Variants in SLC18B1 observed in about 807,000 individuals in gnomAD.
The protein encoded by SLC18B1 is MFS-type transporter SLC18B1.
SLC18B1 carries 62 observed loss-of-function variants against 53.9 expected under a neutral mutation model. The ratio of observed to expected loss-of-function variants is 1.15; its 90% CI spans 0.94 to 1.42. The LOEUF (loss-of-function observed/expected upper bound fraction) is 1.42, where lower values mean the gene tolerates loss of function less well. SLC18B1 is among the 40% of genes most tolerant of loss of function. The pLI, the probability that SLC18B1 is intolerant of heterozygous loss-of-function variation, is 0.00. For missense variants in SLC18B1, 598 were observed against 547.3 expected (o/e 1.09, Z -0.93); for synonymous variants, 217 against 200.9 (o/e 1.08, Z -0.68).
intron 2 of SLC18B1, among the ~76,000 whole-genome samples, chr6:132,794,476 G>T (rs1191716115): frequency 1.3e-5 from 2 of 151,962 alleles, no homozygotes; most frequent in Non-Finnish European, 2.9e-5. Context: ...AAACACCTCT[G>T]ATGACTGCCC....
Position 132,784,040 on chromosome 6 carries a change from A to G in SLC18B1, c.551T>C (p.Val184Ala), listed in dbSNP as rs149002403. 53 of 1,609,210 alleles carry G rather than the reference A, an allele frequency of 3.3e-5. No individual in the cohort carries two copies. Among genetic ancestry groups the G allele is most frequent in the Non-Finnish European group, 4.5e-5 (53 of 1,177,980 alleles). The change falls in exon 6 of 14, where the codon GTA (valine) becomes GCA (alanine). Residue 184 changes from valine (V) to alanine (A), a missense_variant. Physicochemically the swap from Val to Ala is moderately conservative, Grantham distance 64. Coordinates refer to ENST00000275227, the MANE Select transcript of SLC18B1 (RefSeq NM_052831.3). ...SGLGLILGPP[V>A]GGFLYQSFGY... ...AAAGGATTGATACAAAAAGCCACCTACAGGAGGACCTAGTATTAGCCCCAG... is the reference window on the plus strand; with the variant it reads ...AAAGGATTGATACAAAAAGCCACCTGCAGGAGGACCTAGTATTAGCCCCAG...
intron 11 of SLC18B1, 26 bp from the exon 12 acceptor site, chr6:132,771,155 T>C (rs77494604): frequency 6.3e-7 from 1 of 1,584,588 alleles, no homozygotes; most frequent in South Asian, 1.1e-5. Context: ...AGAAAAAGTA[T>C]TCAATAGTGC....
At chr6:132,789,669 T>C (rs1781472623) in intron 4 of SLC18B1, 95 bp downstream of exon 4, 1 of 863,892 alleles carries the variant, frequency 1.2e-6, no homozygotes, top group South Asian at 1.4e-5. Flanking sequence ...AGACAATAAA[T>C]GGAACCATTG....
At chr6:132,790,646 G>A (rs1241840449) in intron 2 of SLC18B1, among the ~76,000 whole-genome samples, 2 of 152,136 alleles carry the variant, frequency 1.3e-5, no homozygotes, top group Non-Finnish European at 2.9e-5. Flanking sequence ...TTCCTTTTGG[G>A]TATCACATTT....
chr6:132,779,139 C>G, intron 7 of SLC18B1, 129 bp downstream of exon 7: 1 of 982,816 alleles, frequency 1.0e-6, no homozygotes, highest in South Asian at 2.2e-5. Flanking sequence ...CACGCTACCT[C>G]GGTGTGTAGT....
intron 7 of SLC18B1, among the ~76,000 whole-genome samples, chr6:132,778,211 T>A (rs13212727): frequency 0.015 from 2,339 of 152,282 alleles, 24 homozygotes; most frequent in South Asian, 0.033. Context: ...TGGTGGAATG[T>A]CATCTTTTAT....
intron 2 of SLC18B1, among the ~76,000 whole-genome samples, chr6:132,792,276 AAAGAAAGGAAGAAAGGAAGGAAGG>A (rs1562271384): frequency 2.1e-4 from 11 of 51,630 alleles, no homozygotes; most frequent in East Asian, 4.5e-4. Context: ...AGAAAGAAAG[AAAGAAAGGAAGAAAGGAAGGAAGG>A]AAGGAAGGAA....
rs377579639 is a variant in SLC18B1, at chr6:132,790,191, C to T, written c.265G>A (p.Val89Ile). 4.8e-5 allele frequency: 76 copies of T among 1,569,192 alleles called. No individual in the cohort carries two copies. In the African/African-American group the frequency reaches 6.5e-4, roughly 13 times the overall value. The part of the protein sequence containing the change: ...FALFELLASL[V>I]FGNYLVHIGA... Reference sequence around the variant, plus strand: ...TTTATACTTACATAGTTTCCAAATACCAAGGATGCCAGCAACTCGAACAAA... The same window carrying T: ...TTTATACTTACATAGTTTCCAAATATCAAGGATGCCAGCAACTCGAACAAA... Residue 89 changes from valine to isoleucine, a missense_variant, in exon 3 of 14, where the codon GTA becomes ATA. By Grantham distance (29) the Val-to-Ile change is conservative. Coordinates refer to ENST00000275227, the MANE Select transcript of SLC18B1 (RefSeq NM_052831.3).
chr6:132,779,051 T>A (rs1253447230), intron 7 of SLC18B1, among the ~76,000 whole-genome samples: 1 of 152,176 alleles, frequency 6.6e-6, no homozygotes, highest in Non-Finnish European at 1.5e-5. Context: ...AGGAAACCAA[T>A]GTTAAGGCCA....
At chr6:132,792,288 A>AAAGAAAGGAAGAAAGAAAGG (rs770774646) in intron 2 of SLC18B1, among the ~76,000 whole-genome samples, 2 of 39,904 alleles carry the variant, frequency 5.0e-5, no homozygotes, top group Non-Finnish European at 9.5e-5. Flanking sequence ...AGAAAGGAAG[A>AAAGAAAGGAAGAAAGAAAGG]AAGGAAGGAA....
At chr6:132,783,461 C>T (rs1781289040) in intron 6 of SLC18B1, among the ~76,000 whole-genome samples, 1 of 152,244 alleles carries the variant, frequency 6.6e-6, no homozygotes, top group Non-Finnish European at 1.5e-5. Context: ...CAGGCATGAG[C>T]CACTGTGTCT....
chr6:132,775,985 C>T (rs1025379367), intron 8 of SLC18B1, among the ~76,000 whole-genome samples: 2 of 152,238 alleles, frequency 1.3e-5, no homozygotes, highest in African/African-American at 4.8e-5. Flanking sequence ...AGGAGGATCA[C>T]TTGAACCCAA....
At chr6:132,792,461 T>A (rs1451306186) in intron 2 of SLC18B1, among the ~76,000 whole-genome samples, 2 of 152,010 alleles carry the variant, frequency 1.3e-5, no homozygotes, top group Non-Finnish European at 2.9e-5. Context: ...TTAATAGTTC[T>A]GATAAGTATT....
intron 6 of SLC18B1, among the ~76,000 whole-genome samples, chr6:132,781,753 T>C (rs1396505446): frequency 1.5e-5 from 2 of 133,806 alleles, no homozygotes; most frequent in African/African-American, 6.9e-5. Context: ...CAAGACTCTG[T>C]CTTTAAAAAA....
At chr6:132,794,244 C>T (rs796574165) in intron 2 of SLC18B1, among the ~76,000 whole-genome samples, 1 of 151,870 alleles carries the variant, frequency 6.6e-6, no homozygotes, top group African/African-American at 2.4e-5. Flanking sequence ...GCTGGGACTA[C>T]AGTCACGTGC....
intron 6 of SLC18B1, among the ~76,000 whole-genome samples, chr6:132,781,757 T>TAAAA (rs67568708): frequency 7.3e-6 from 1 of 136,994 alleles, no homozygotes; most frequent in East Asian, 2.2e-4. Context: ...ACTCTGTCTT[T>TAAAA]AAAAAAAAAA....
At position 132,798,429 on chromosome 6, in the gene SLC18B1, G is replaced by A. The variant is rs200091558; in HGVS notation, c.28C>T (p.Pro10Ser). The change falls in exon 1 of 14, where the codon CCA becomes TCA. Residue 10 changes from proline (P) to serine (S), a missense_variant. Pro to Ser is a moderately conservative substitution (Grantham distance 74). Coordinates refer to ENST00000275227, the MANE Select transcript of SLC18B1 (RefSeq NM_052831.3). The part of the protein sequence containing the change: MEALGDLEG[P>S]RAPGGDDPAG... Reference sequence around the variant, plus strand: ...TCATGGTCACCTCCTGGTGCGCGTGGTCCCTCCAGGTCACCCAGCGCCTCC... The same window carrying A: ...TCATGGTCACCTCCTGGTGCGCGTGATCCCTCCAGGTCACCCAGCGCCTCC... 6.5e-7 allele frequency: 1 copy of A among 1,529,592 alleles called. No individual in the cohort carries two copies. 94.8% of individuals were successfully genotyped at this position (1,529,592 alleles called of 1,614,324 possible). A position where few individuals can be genotyped will look rare whatever the true frequency, so the allele number is the denominator to read the frequency against.
Position 132,770,951 on chromosome 6 carries a change from T to G in SLC18B1, c.1255-12A>C. 2 of 1,612,248 alleles carry G rather than the reference T, an allele frequency of 1.2e-6. No homozygotes were observed. The highest frequency in any genetic ancestry group is 1.7e-6 in the Non-Finnish European group (2 of 1,179,448). ...CCCATGGCTAATCCCTTAAACACAATTAAAAGTACTGATTAATGTAAATTT... is the reference window on the plus strand; with the variant it reads ...CCCATGGCTAATCCCTTAAACACAAGTAAAAGTACTGATTAATGTAAATTT... On this transcript the variant is annotated splice_polypyrimidine_tract_variant and intron_variant, in intron 12 of 13. Coordinates refer to ENST00000275227, the MANE Select transcript of SLC18B1 (RefSeq NM_052831.3).
Position 132,771,087 on chromosome 6 carries a change from T to C in SLC18B1, c.1203A>G (p.Lys401=), listed in dbSNP as rs1486435192. The C allele has an allele frequency of 6.2e-7, 1 of 1,614,104 alleles. No individual in the cohort carries two copies. The highest frequency in any genetic ancestry group is 1.7e-5 in the Admixed American group (1 of 60,020). The change falls in exon 12 of 14, where the codon AAA becomes AAG. Residue 401 remains lysine, a synonymous_variant. Transcript: ENST00000275227. ...GPTLGGFLYE[K]IGFEWAAAIQ... is the part of the protein sequence containing the mutation. ...TAGCTGCTGCCCATTCAAAACCAAT[T>C]TTCTCATACAGAAATCCACCCAGCG...
Sources: gnomAD v4.1 joint callset for allele counts (sites outside exome capture counted in the v4.1 genomes callset) on GRCh38, gnomAD v4.1.1 for gene constraint, MANE v1.5 for transcripts, NCBI Gene and HGNC (gene_info 2026-07-23, HGNC 2026-07-21) for gene names.